The following CCNF variants were observed in gnomAD, a reference collection of about 807,000 sequenced individuals.
The protein encoded by CCNF is cyclin-F.
CCNF carries 30 observed loss-of-function variants against 85.4 expected under a neutral mutation model. The ratio of observed to expected loss-of-function variants is 0.35; its 90% confidence interval spans 0.26 to 0.48. The LOEUF (loss-of-function observed/expected upper bound fraction) is 0.48, where lower values mean the gene tolerates loss of function less well. CCNF is among the 20% of genes least tolerant of loss of function. The pLI is 0.99. For missense variants in CCNF, 919 were observed against 1,010.4 expected, an observed-to-expected ratio of 0.91 and a Z score of 1.23; for synonymous variants, 439 against 425.1, an observed-to-expected ratio of 1.03 and a Z score of -0.40.
intron 8 of CCNF, among the ~76,000 whole-genome samples, chr16:2,441,981 A>ATGTTTT (rs1555497459): frequency 1.7e-4 from 17 of 98,742 alleles, no homozygotes; most frequent in Non-Finnish European, 2.7e-4. Context: ...ATATATATAT[A>ATGTTTT]TGTTTTTGTT....
chr16:2,457,183 C>G lies in CCNF; in HGVS notation c.*163C>G, dbSNP rs1228195515. On this transcript the variant is annotated 3_prime_UTR_variant, in exon 17 of 17. Coordinates refer to ENST00000397066, the MANE Select transcript of CCNF (RefSeq NM_001761.3). Reference sequence around the variant, plus strand: ...TTTCTGTCTCCGCGGGAGTCCCGTGCAAGCCATCAGAATGTTGAAATGAGG... The same window carrying G: ...TTTCTGTCTCCGCGGGAGTCCCGTGGAAGCCATCAGAATGTTGAAATGAGG... 1.7e-6 allele frequency: 1 copy of G among 575,482 alleles called. No individual in the cohort carries two copies. Among genetic ancestry groups the G allele is most frequent in the Non-Finnish European group, 3.0e-6 (1 of 328,606 alleles). The allele number at this position is 575,482 out of a possible 1,614,324, so 35.6% of individuals were successfully genotyped here.
rs1224125027 is a variant in CCNF, at chr16:2,452,424, A to T, written c.1488-786A>T. ...GAAGGGTTCGCATGGGTCTCGTCCC[A>T]CCCACCTTTGCTTATGGGGAGCACA... On this transcript the variant is annotated intron_variant, in intron 13 of 16. Transcript: ENST00000397066. The surrounding 1 kb of genome is among the most constrained non-coding windows in gnomAD (Gnocchi z 4.1). Among the ~76,000 whole-genome samples, 2 of 152,114 alleles carry T rather than the reference A, an allele frequency of 1.3e-5. No individual in the cohort carries two copies. The highest frequency in any genetic ancestry group is 2.1e-4 in the South Asian group (1 of 4,828).
intron 10 of CCNF, among the ~76,000 whole-genome samples, chr16:2,448,010 G>T (rs1442345618): frequency 1.3e-5 from 2 of 152,264 alleles, no homozygotes; most frequent in African/African-American, 4.8e-5. Flanking sequence ...CCAAGGGGAA[G>T]GTGCCTTGCG....
intron 8 of CCNF, 150 bp downstream of exon 8, chr16:2,439,976 G>A: frequency 1.5e-6 from 1 of 671,666 alleles, no homozygotes; most frequent in South Asian, 1.7e-5. Flanking sequence ...GATCGGTTCA[G>A]CACTGGAACT....
Position 2,458,253 on chromosome 16 carries a change from C to CTTTTTTTTTTT in CCNF, c.*1241_*1251dup, listed in dbSNP as rs562145171. On this transcript the variant is annotated 3_prime_UTR_variant, in exon 17 of 17. Transcript: ENST00000397066. ...CTTGGCCAGAAGTGTCCCCCAGATG[C>CTTTTTTTTTTT]TTTTTTTTTTTTTTTTTTGGAGACA... The CTTTTTTTTTTT allele has an allele frequency of 2.3e-5, 3 of 130,382 alleles. No homozygotes were observed. Among genetic ancestry groups the CTTTTTTTTTTT allele is most frequent in the African/African-American group, 8.5e-5 (3 of 35,140 alleles). 8.1% of individuals were successfully genotyped at this position (130,382 alleles called of 1,614,324 possible).
intron 2 of CCNF, 140 bp from the exon 3 acceptor site, chr16:2,432,821 A>C: frequency 3.6e-6 from 2 of 558,812 alleles, no homozygotes; most frequent in East Asian, 2.9e-5. Flanking sequence ...ACTTTCACAC[A>C]GAGATTGGGG....
rs760556321 is a variant in CCNF, at chr16:2,443,772, G to A, written c.901G>A (p.Val301Met). ...TGTCAGTAAACAACAAGTCTTCTCC[G>A]TGCAGAAGGGACTCAATGACACAAT... ...QAVSKQQVFS[V>M]QKGLNDTMRY... The change falls in exon 9 of 17, where the codon GTG becomes ATG. Residue 301 changes from valine (V) to methionine (M), a missense_variant. Val to Met is a conservative substitution (Grantham distance 21, BLOSUM62 1). This residue lies in a region of CCNF where 410 missense variants were observed against 478.6 expected (regional missense o/e 0.86). Coordinates refer to ENST00000397066, the MANE Select transcript of CCNF (RefSeq NM_001761.3). 12 of 1,614,012 alleles carry A rather than the reference G, an allele frequency of 7.4e-6. No homozygotes were observed. The highest frequency in any genetic ancestry group is 1.7e-5 in the Admixed American group (1 of 59,988).
chr16:2,448,396 C>G (rs1245323950), intron 10 of CCNF, among the ~76,000 whole-genome samples: 4 of 152,080 alleles, frequency 2.6e-5, no homozygotes, highest in African/African-American at 9.7e-5. Context: ...CTGACCTCCC[C>G]TTTGTTATTA....
In CCNF at chr16:2,449,808, T is replaced by TCCACCCCA; in HGVS notation, c.1400-20_1400-19insCCACCCCA. 3.8e-5 allele frequency: 11 copies of TCCACCCCA among 289,000 alleles called. No individual in the cohort carries two copies. The highest frequency in any genetic ancestry group is 5.9e-5 in the Non-Finnish European group (11 of 185,242). 17.9% of individuals were successfully genotyped at this position (289,000 alleles called of 1,614,324 possible). A position where few individuals can be genotyped will look rare whatever the true frequency, so the allele number is the denominator to read the frequency against. Reference sequence around the variant, plus strand: ...CCGTCCCCTCCATCCCCTCCACCCCTGGCCTGCTTTCCTCCCCAGCACAGC... The same window carrying TCCACCCCA: ...CCGTCCCCTCCATCCCCTCCACCCCTCCACCCCAGGCCTGCTTTCCTCCCCAGCACAGC... On this transcript the variant is annotated intron_variant, in intron 12 of 16. Coordinates refer to ENST00000397066, the MANE Select transcript of CCNF (RefSeq NM_001761.3).
rs1434448615 is a variant in CCNF, at chr16:2,443,664, G to A, written c.793G>A (p.Ala265Thr). 1 of 1,614,006 alleles carries A rather than the reference G, an allele frequency of 6.2e-7. No homozygotes were observed. The highest frequency in any genetic ancestry group is 8.5e-7 in the Non-Finnish European group (1 of 1,179,918). ...TCTTCCTCAGCTGTCTTTAGCCAAAGCCTGTGCAAATGCAAACCAGCTTGG... is the reference window on the plus strand; with the variant it reads ...TCTTCCTCAGCTGTCTTTAGCCAAAACCTGTGCAAATGCAAACCAGCTTGG... ...CWEAQLSLAK[A>T]CANANQLGLE... is the part of the protein sequence containing the mutation. Residue 265 changes from alanine (A) to threonine (T), a missense_variant, in exon 9 of 17, where the codon GCC becomes ACC. Ala to Thr is a moderately conservative substitution (Grantham distance 58). Transcript: ENST00000397066.
At position 2,453,385 on chromosome 16, in the gene CCNF, C is replaced by T. The variant is rs1567390880; in HGVS notation, c.1588-25C>T. 1.2e-6 allele frequency: 2 copies of T among 1,613,752 alleles called. No individual in the cohort carries two copies. The highest frequency in any genetic ancestry group is 1.1e-5 in the South Asian group (1 of 91,080). On this transcript the variant is annotated intron_variant, in intron 14 of 16. Coordinates refer to ENST00000397066, the MANE Select transcript of CCNF (RefSeq NM_001761.3). This position sits in a 1 kb window ranked among gnomAD's most constrained non-coding sequence, Gnocchi z 5.6. ...GGGCCTCACCCTCGGGGCCTCTGCACCCCCTAACTCTAGCTTCCCCTCAGG... is the reference window on the plus strand; with the variant it reads ...GGGCCTCACCCTCGGGGCCTCTGCATCCCCTAACTCTAGCTTCCCCTCAGG...
intron 2 of CCNF, 21 bp downstream of exon 2, chr16:2,431,305 A>T (rs1483552682): frequency 3.7e-6 from 6 of 1,612,036 alleles, no homozygotes; most frequent in Non-Finnish European, 5.1e-6. Context: ...GCATGAAAAC[A>T]CTATGAGCCC....
intron 11 of CCNF, 64 bp downstream of exon 11, chr16:2,449,042 G>GGCCCCCC: frequency 1.5e-6 from 1 of 683,622 alleles, no homozygotes; most frequent in Non-Finnish European, 2.7e-6. Context: ...GTGGGGGTGG[G>GGCCCCCC]CATTCAGCTT....
At chr16:2,432,011 T>G (rs914833495) in intron 2 of CCNF, among the ~76,000 whole-genome samples, 2 of 151,952 alleles carry the variant, frequency 1.3e-5, no homozygotes, top group African/African-American at 4.8e-5. Flanking sequence ...ATTGTATTTT[T>G]AGTAGAGTTG....
chr16:2,446,445 G>A lies in CCNF; in HGVS notation c.1094+823G>A, dbSNP rs145333714. On this transcript the variant is annotated intron_variant, in intron 10 of 16. Coordinates refer to ENST00000397066, the MANE Select transcript of CCNF (RefSeq NM_001761.3). ...TCAGCAGCAGCGTGCGTCCTTACACGGCAGCCTGTCCTTTTCAAATCAGAC... is the reference window on the plus strand; with the variant it reads ...TCAGCAGCAGCGTGCGTCCTTACACAGCAGCCTGTCCTTTTCAAATCAGAC... Among the ~76,000 whole-genome samples, 322 of 152,332 alleles carry A rather than the reference G, an allele frequency of 2.1e-3. 2 individuals are homozygous for A. The highest frequency in any genetic ancestry group is 7.5e-3 in the African/African-American group (313 of 41,572).
chr16:2,432,551 G>A lies in CCNF; in HGVS notation c.172-410G>A, dbSNP rs531672957. Reference sequence around the variant, plus strand: ...ACCTCCATCATGGGTGTTGTTCTTTGCCCTGAGTCCCTGTGACCTGTTTCC... The same window carrying A: ...ACCTCCATCATGGGTGTTGTTCTTTACCCTGAGTCCCTGTGACCTGTTTCC... On this transcript the variant is annotated intron_variant, in intron 2 of 16. Coordinates refer to ENST00000397066, the MANE Select transcript of CCNF (RefSeq NM_001761.3). Among the ~76,000 whole-genome samples, 16 of 152,266 alleles carry A rather than the reference G, an allele frequency of 1.1e-4. 1 individual carries two copies. In the South Asian group the frequency reaches 3.3e-3, roughly 32 times the overall value.
At chr16:2,441,937 T>TCATA (rs2065323249) in intron 8 of CCNF, among the ~76,000 whole-genome samples, 1 of 60,164 alleles carries the variant, frequency 1.7e-5, no homozygotes, top group Non-Finnish European at 2.8e-5. Context: ...TATTAGCAAA[T>TCATA]TATATATATA....
At position 2,454,637 on chromosome 16, in the gene CCNF, A is replaced by G. The variant is rs540316232; in HGVS notation, c.1716-758A>G. Among the ~76,000 whole-genome samples, 11 of 152,286 alleles carry G rather than the reference A, an allele frequency of 7.2e-5. No homozygotes were observed. The South Asian group carries it at 2.3e-3, about 32-fold the overall frequency. On this transcript the variant is annotated intron_variant, in intron 15 of 16. Coordinates refer to ENST00000397066, the MANE Select transcript of CCNF (RefSeq NM_001761.3). ...GCTTTTCCCAGGCTCACGCCCACAC[A>G]CTGGCCTCTAGCCCCATCCTGAGCA...
At position 2,457,012 on chromosome 16, in the gene CCNF, A is replaced by G; in HGVS notation, c.2353A>G (p.Arg785Gly). ...GGAGGACATGAACCTGGGCCTTGTG[A>G]GGCTGTAAGTGTGTCAGCACATTTG... ...EEEDMNLGLV[R>G]L The change falls in exon 17 of 17, where the codon AGG becomes GGG. Residue 785 changes from arginine (R) to glycine (G), a missense_variant. Around this residue, in one of 3 missense-constraint regions of CCNF, gnomAD observed 505 missense variants for 514.8 expected, o/e 0.98. Transcript: ENST00000397066. 1 of 1,581,324 alleles carries G rather than the reference A, an allele frequency of 6.3e-7. No homozygotes were observed.
Sources: allele counts gnomAD v4.1 joint callset (sites outside exome capture counted in the v4.1 genomes callset), GRCh38; gene constraint gnomAD v4.1.1; regional missense constraint gnomAD v4.1.1; non-coding constraint Gnocchi (gnomAD v3.1); transcripts MANE v1.5; gene names NCBI Gene and HGNC (gene_info 2026-07-23, HGNC 2026-07-21).